Variants in DACT2 observed in about 807,000 individuals in gnomAD.
DACT2 encodes dishevelled binding antagonist of beta catenin 2.
In DACT2, 20 loss-of-function variants were observed where a neutral mutation model predicts 22.2. That is an observed-to-expected ratio of 0.90 (90% CI 0.63 to 1.31). DACT2 has a LOEUF of 1.31. Ranked by LOEUF, DACT2 falls within the 50% of genes most tolerant of loss-of-function variation. DACT2 has a pLI of 0.00. For synonymous variants in DACT2, 463 were observed against 479.8 expected (o/e 0.96, Z 0.46); for missense variants, 1,048 against 1,061.4 (o/e 0.99, Z 0.18).
In DACT2 at chr6:168,319,639, G is replaced by A. The variant is rs1223636672; in HGVS notation, c.-6C>T. On this transcript the variant is annotated 5_prime_UTR_variant, in exon 1 of 4. Coordinates refer to ENST00000366795, the MANE Select transcript of DACT2 (RefSeq NM_214462.5). Reference sequence around the variant, plus strand: ...GGTCCGCCCGGCGTCCACATCTCCCGGGCAGGGTCCCGGCCTCCCGAACCC... The same window carrying A: ...GGTCCGCCCGGCGTCCACATCTCCCAGGCAGGGTCCCGGCCTCCCGAACCC... 3 of 1,270,216 alleles carry A rather than the reference G, an allele frequency of 2.4e-6. No individual in the cohort carries two copies. The highest frequency in any genetic ancestry group is 4.6e-5 in the South Asian group (2 of 43,270). The allele number at this position is 1,270,216 out of a possible 1,614,324, so 78.7% of individuals were successfully genotyped here. A position where few individuals can be genotyped will look rare whatever the true frequency, so the allele number is the denominator to read the frequency against.
At chr6:168,295,137 G>A (rs759477884) in intron 3 of DACT2, among the ~76,000 whole-genome samples, 8 of 152,202 alleles carry the variant, frequency 5.3e-5, no homozygotes, top group African/African-American at 1.4e-4. Context: ...GTGGGCAGCT[G>A]AGTGACAAGG....
downstream of DACT2, chr6:168,306,811 C>T (rs948197029): frequency 1.1e-6 from 1 of 903,492 alleles, no homozygotes; most frequent in African/African-American, 1.8e-5. Flanking sequence ...AGATGCCTTC[C>T]CCGCCCAAAG....
At chr6:168,304,132 G>A (rs141532014), downstream of DACT2, among the ~76,000 whole-genome samples, 12 of 152,270 alleles carry the variant, frequency 7.9e-5, 1 homozygote, top group Middle Eastern at 3.4e-3. Context: ...GTCTTCCAAC[G>A]CACTTGAAGT....
In DACT2 at chr6:168,308,776, C is replaced by G. The variant is rs765675691; in HGVS notation, c.981G>C (p.Pro327=). ...IQTGPVLEAG[P]ARARAYIDRL... is the part of the protein sequence containing the mutation. ...TGTCGATATAAGCTCTGGCCCTGGC[C>G]GGGCCAGCCTCGAGGACCGGCCCAG... Residue 327 remains proline (P), a synonymous_variant, in exon 4 of 4, where the codon CCG becomes CCC. Coordinates refer to ENST00000366795, the MANE Select transcript of DACT2 (RefSeq NM_214462.5). 3.2e-5 allele frequency: 49 copies of G among 1,551,198 alleles called. No homozygotes were observed. Among genetic ancestry groups the G allele is most frequent in the Non-Finnish European group, 4.2e-5 (48 of 1,147,008 alleles).
At position 168,307,773 on chromosome 6, in the gene DACT2, C is replaced by T. The variant is rs955422023; in HGVS notation, c.1984G>A (p.Glu662Lys). Residue 662 changes from glutamate (E) to lysine (K), a missense_variant, in exon 4 of 4, where the codon GAG becomes AAG. Transcript: ENST00000366795. This position sits in a 1 kb window ranked among gnomAD's most constrained non-coding sequence, Gnocchi z 5.3. The stretch of plus-strand genomic sequence containing the variant: ...CACTCGGCCGAGTGCTTGGAGGGCT[C>T]TGAGTCGCTCCTGGTGTAGGCGTCC... Reference protein sequence around the residue: ...RQDAYTRSDSEPSKHSAECDP... With the variant: ...RQDAYTRSDSKPSKHSAECDP... 4.5e-6 allele frequency: 7 copies of T among 1,545,982 alleles called. No individual in the cohort carries two copies. The highest frequency in any genetic ancestry group is 6.1e-6 in the Non-Finnish European group (7 of 1,146,750).
downstream of DACT2, among the ~76,000 whole-genome samples, chr6:168,304,230 T>C (rs941560057): frequency 1.3e-5 from 2 of 152,194 alleles, no homozygotes; most frequent in African/African-American, 4.8e-5. Context: ...TCTGCTTCTG[T>C]GTGAGTGGTT....
chr6:168,308,798 C>T lies in DACT2; in HGVS notation c.959G>A (p.Gly320Glu). The change falls in exon 4 of 4, where the codon GGG (glycine) becomes GAG (glutamate). Residue 320 changes from glycine to glutamate, a missense_variant. Coordinates refer to ENST00000366795, the MANE Select transcript of DACT2 (RefSeq NM_214462.5). The stretch of plus-strand genomic sequence containing the variant: ...GGCCGGGCCAGCCTCGAGGACCGGC[C>T]CAGTCTGGATGGTGTTCAGACCTGC... ...GPAGLNTIQT[G>E]PVLEAGPARA... The T allele has an allele frequency of 1.9e-6, 3 of 1,551,456 alleles. No individual in the cohort carries two copies. Among genetic ancestry groups the T allele is most frequent in the African/African-American group, 1.4e-5 (1 of 73,188 alleles).
chr6:168,295,053 G>T (rs1218967693), intron 3 of DACT2, among the ~76,000 whole-genome samples: 1 of 152,044 alleles, frequency 6.6e-6, no homozygotes, highest in Non-Finnish European at 1.5e-5. Flanking sequence ...GCATATGCTG[G>T]GGCCCTGGCA....
At position 168,308,451 on chromosome 6, in the gene DACT2, T is replaced by C; in HGVS notation, c.1306A>G (p.Thr436Ala). ...KPSNSCVLRE[T>A]MVQASPSSKA... is the part of the protein sequence containing the mutation. ...GAGCTGGGAGAAGCCTGCACCATGG[T>C]CTCCCTGAGGACACAGCTGTTTGAG... The change falls in exon 4 of 4, where the codon ACC (threonine) becomes GCC (alanine). Residue 436 changes from threonine to alanine, a missense_variant. Transcript: ENST00000366795. The C allele has an allele frequency of 6.4e-7, 1 of 1,551,520 alleles. No homozygotes were observed. The highest frequency in any genetic ancestry group is 8.7e-7 in the Non-Finnish European group (1 of 1,146,934).
At chr6:168,304,024 A>G (rs546792717), downstream of DACT2, among the ~76,000 whole-genome samples, 1 of 152,260 alleles carries the variant, frequency 6.6e-6, no homozygotes, top group Middle Eastern at 3.4e-3. Context: ...AAATATTTTT[A>G]TTGTAAGCAT....
chr6:168,305,430 T>C (rs528698992), downstream of DACT2, among the ~76,000 whole-genome samples: 3 of 152,292 alleles, frequency 2.0e-5, no homozygotes, highest in East Asian at 1.9e-4. Context: ...TTCCCTGTGA[T>C]CTTGGCCTGC....
chr6:168,311,594 A>ACACC (rs1332323296), intron 1 of DACT2, among the ~76,000 whole-genome samples: 4 of 65,566 alleles, frequency 6.1e-5, no homozygotes, highest in East Asian at 9.7e-4. Flanking sequence ...CCACACACAC[A>ACACC]CATACACACA....
chr6:168,308,143 G>A lies in DACT2; in HGVS notation c.1614C>T (p.His538=). The A allele has an allele frequency of 1.3e-6, 2 of 1,550,214 alleles. No individual in the cohort carries two copies. Among genetic ancestry groups the A allele is most frequent in the Admixed American group, 2.0e-5 (1 of 50,934 alleles). ...GGAGCCCGCCCCTCCCTGTGGGCCA[G>A]TGGGCAGGGTCCCACTCCAGGGATG... ...PQPSLEWDPA[H]WPTGRGGLQR... is the part of the protein sequence containing the mutation. Residue 538 remains histidine, a synonymous_variant, in exon 4 of 4, where the codon CAC becomes CAT. Coordinates refer to ENST00000366795, the MANE Select transcript of DACT2 (RefSeq NM_214462.5).
chr6:168,299,475 A>T (rs1779065206), intron 3 of DACT2: 1 of 152,216 alleles, frequency 6.6e-6, no homozygotes, highest in African/African-American at 2.4e-5. Flanking sequence ...AATAAAAAGG[A>T]TATTTGACAG....
intron 1 of DACT2, among the ~76,000 whole-genome samples, chr6:168,314,609 C>G (rs959146134): frequency 1.3e-5 from 2 of 152,194 alleles, no homozygotes; most frequent in South Asian, 4.1e-4. Context: ...AGAGAATGAC[C>G]TGATTTCCCT....
intron 1 of DACT2, among the ~76,000 whole-genome samples, chr6:168,312,047 A>G (rs1219537051): frequency 6.6e-6 from 1 of 152,232 alleles, no homozygotes; most frequent in African/African-American, 2.4e-5. Flanking sequence ...CCCCTTCACT[A>G]TAAGTCCCTT....
At chr6:168,306,790 A>T, downstream of DACT2, 1 of 740,020 alleles carries the variant, frequency 1.4e-6, no homozygotes, top group Non-Finnish European at 1.7e-6. Flanking sequence ...TTTAGTCTCT[A>T]CTCACTTATA....
intron 1 of DACT2, 25 bp from the exon 2 acceptor site, chr6:168,311,309 G>T: frequency 6.5e-7 from 1 of 1,532,644 alleles, no homozygotes; most frequent in South Asian, 1.2e-5. Context: ...AAGAGAAAGG[G>T]AACTGTTGTA....
intron 3 of DACT2, among the ~76,000 whole-genome samples, chr6:168,309,454 A>ACACAGGGTGCGGGGCCGTTTGCGTGTAGC (rs1779339042): frequency 6.6e-6 from 1 of 152,114 alleles, no homozygotes; most frequent in Non-Finnish European, 1.5e-5. Flanking sequence ...TTGCGTGTAG[A>ACACAGGGTGCGGGGCCGTTTGCGTGTAGC]CACAGGGTGC....
Sources: gnomAD v4.1 joint callset for allele counts (sites outside exome capture counted in the v4.1 genomes callset) on GRCh38, gnomAD v4.1.1 for gene constraint, Gnocchi (gnomAD v3.1) non-coding constraint, MANE v1.5 for transcripts, NCBI Gene and HGNC (gene_info 2026-07-23, HGNC 2026-07-21) for gene names.